PDGFRB: variants seen among roughly 807,000 people sequenced by gnomAD.
PDGFRB encodes platelet derived growth factor receptor beta.
In PDGFRB, 42 loss-of-function variants were observed where a neutral mutation model predicts 120.2. The observed-to-expected ratio is 0.35, with a 90% confidence interval of 0.27 to 0.45. The LOEUF (loss-of-function observed/expected upper bound fraction) is 0.45. Among genes scored for constraint, PDGFRB ranks in the 20% least tolerant of loss-of-function variants. The pLI is 1.00. For synonymous variants in PDGFRB, 586 were observed against 606.8 expected (o/e 0.97, Z 0.50); for missense variants, 1,149 against 1,476.3 (o/e 0.78, Z 3.63).
chr5:150,124,899 C>CCCCCCCCCCCCCCCT, intron 12 of PDGFRB, 68 bp from the exon 13 acceptor site: 1 of 683,838 alleles, frequency 1.5e-6, no homozygotes, highest in Non-Finnish European at 2.5e-6. Context: ...AGCTGCCCCC[C>CCCCCCCCCCCCCCCT]TCCCCCCACT....
intron 1 of PDGFRB, among the ~76,000 whole-genome samples, chr5:150,151,505 G>A (rs960474651): frequency 2.0e-5 from 3 of 152,160 alleles, no homozygotes; most frequent in South Asian, 2.1e-4. Flanking sequence ...TCCCAGCTCC[G>A]CCACTTCCGA....
rs1440050866 is a variant in PDGFRB at position 150,121,624 on chromosome 5, A to C, written c.2344+256T>G. On this transcript the variant is annotated intron_variant, in intron 16 of 22. Coordinates refer to ENST00000261799, the MANE Select transcript of PDGFRB (RefSeq NM_002609.4). This position sits in a 1 kb window ranked among gnomAD's most constrained non-coding sequence, Gnocchi z 4.1. Reference sequence around the variant, plus strand: ...AGCTGAGTAGATCACTTTCCCTACCACGACAAAAGGCCAGGTCCTCCCATA... The same window carrying C: ...AGCTGAGTAGATCACTTTCCCTACCCCGACAAAAGGCCAGGTCCTCCCATA... 2.6e-5 allele frequency among the ~76,000 whole-genome samples: 4 copies of C among 152,148 alleles called. No individual in the cohort carries two copies. The highest frequency in any genetic ancestry group is 9.7e-5 in the African/African-American group (4 of 41,416).
intron 1 of PDGFRB, among the ~76,000 whole-genome samples, chr5:150,148,401 A>T (rs79091428): frequency 6.6e-6 from 1 of 152,224 alleles, no homozygotes; most frequent in African/African-American, 2.4e-5. Flanking sequence ...CTGCCTCCTA[A>T]TAACACAGGA....
At chr5:150,147,358 G>A (rs778193241) in intron 1 of PDGFRB, among the ~76,000 whole-genome samples, 86 of 152,364 alleles carry the variant, frequency 5.6e-4, no homozygotes, top group Admixed American at 9.8e-4. Context: ...GTCCCAGGCT[G>A]AGACTGAGGA....
chr5:150,150,872 C>T (rs545864309), intron 1 of PDGFRB, among the ~76,000 whole-genome samples: 3 of 152,248 alleles, frequency 2.0e-5, no homozygotes, highest in East Asian at 3.9e-4. Context: ...TTTGAAAACG[C>T]AGCACTGGAA....
chr5:150,141,428 C>G (rs1387552049), intron 1 of PDGFRB, among the ~76,000 whole-genome samples: 2 of 152,224 alleles, frequency 1.3e-5, no homozygotes, highest in African/African-American at 4.8e-5. Flanking sequence ...GAGGTAGATA[C>G]AGTGATCATT....
rs1761178811 is a variant in PDGFRB, at chr5:150,154,606, G to T, written c.-7+791C>A. On this transcript the variant is annotated intron_variant, in intron 1 of 22. Transcript: ENST00000261799. ...GCCATAGGCGGATCCTGGGCAGGGA[G>T]GTGGTGTGATTGGATTTATGCTTTA... is the stretch of plus-strand genomic sequence containing the variant. 2.0e-5 allele frequency among the ~76,000 whole-genome samples: 3 copies of T among 152,238 alleles called. No individual in the cohort carries two copies. In the South Asian group the frequency reaches 6.2e-4, roughly 32 times the overall value.
At chr5:150,134,159 T>G (rs186371475) in intron 4 of PDGFRB, 151 bp from the exon 5 acceptor site, 156 of 713,210 alleles carry the variant, frequency 2.2e-4, no homozygotes, top group Non-Finnish European at 3.3e-4. Context: ...ACCTACTACA[T>G]GCCAAGTACT....
rs1344881950 is a variant in PDGFRB, at chr5:150,121,787, G to C, written c.2344+93C>G. ...TCTACATCTATGAAATGGGCACGAG[G>C]CTCCCTTCTTCTCAGGGTTTTTGGC... On this transcript the variant is annotated intron_variant, in intron 16 of 22. Transcript: ENST00000261799. The surrounding 1 kb of genome is among the most constrained non-coding windows in gnomAD (Gnocchi z 4.1). 1.0e-6 allele frequency: 1 copy of C among 980,588 alleles called. No individual in the cohort carries two copies. The highest frequency in any genetic ancestry group is 1.6e-5 in the African/African-American group (1 of 62,614). 60.7% of individuals were successfully genotyped at this position (980,588 alleles called of 1,614,324 possible). A position where few individuals can be genotyped will look rare whatever the true frequency, so the allele number is the denominator to read the frequency against.
In PDGFRB at chr5:150,115,869, G is replaced by A; in HGVS notation, c.3215C>T (p.Pro1072Leu). Reference sequence around the variant, plus strand: ...CACCTGGAGCTCAAGCTGGGGCTCTGGCTCTGGTTCGTCCTGGGGCTCCAG... The same window carrying A: ...CACCTGGAGCTCAAGCTGGGGCTCTAGCTCTGGTTCGTCCTGGGGCTCCAG... The part of the protein sequence containing the change: ...SPLEPQDEPE[P>L]EPQLELQVEP... Residue 1072 changes from proline (P) to leucine (L), a missense_variant, in exon 23 of 23, where the codon CCA becomes CTA. Physicochemically the swap from Pro to Leu is moderately conservative, Grantham distance 98. Transcript: ENST00000261799. 6.2e-7 allele frequency: 1 copy of A among 1,611,854 alleles called. No individual in the cohort carries two copies. The highest frequency in any genetic ancestry group is 1.1e-5 in the South Asian group (1 of 90,622).
At chr5:150,128,458 C>T (rs977652401) in intron 10 of PDGFRB, among the ~76,000 whole-genome samples, 4 of 152,202 alleles carry the variant, frequency 2.6e-5, no homozygotes, top group Non-Finnish European at 4.4e-5. Context: ...CCTTTGGAGC[C>T]CTGCCTGCTC....
intron 15 of PDGFRB, chr5:150,122,283 C>A (rs1760163201): frequency 4.1e-6 from 2 of 489,900 alleles, no homozygotes; most frequent in South Asian, 2.6e-5. Flanking sequence ...GATTACAGCA[C>A]CCCAGGGCAA....
intron 15 of PDGFRB, 22 bp downstream of exon 15, chr5:150,123,020 T>TC (rs1293114921): frequency 1.2e-6 from 2 of 1,606,884 alleles, no homozygotes; most frequent in African/African-American, 2.7e-5. Flanking sequence ...AAAGATTCAG[T>TC]CCCTGGCCTC....
chr5:150,133,790 A>T lies in PDGFRB; in HGVS notation c.760-30T>A, dbSNP rs374335408. The T allele has an allele frequency of 3.1e-6, 5 of 1,612,334 alleles. No individual in the cohort carries two copies. In the East Asian group the frequency reaches 1.1e-4, roughly 36 times the overall value. ...AGCAACAGGTTGGGCAGGCCCCCCA[A>T]ATCAGGAGGGGCCGGGGAGAAATCA... On this transcript the variant is annotated intron_variant, in intron 5 of 22. Transcript: ENST00000261799.
intron 1 of PDGFRB, among the ~76,000 whole-genome samples, chr5:150,151,131 GA>G (rs1308510369): frequency 2.6e-5 from 4 of 152,042 alleles, no homozygotes; most frequent in Non-Finnish European, 5.9e-5. Context: ...AAAAGGGTAA[GA>G]AAAAAACCCT....
rs961090547 is a variant in PDGFRB at position 150,114,560 on chromosome 5, C to T, written c.*1203G>A. 15 of 232,998 alleles carry T rather than the reference C, an allele frequency of 6.4e-5. No individual in the cohort carries two copies. Among genetic ancestry groups the T allele is most frequent in the Non-Finnish European group, 1.1e-4 (13 of 117,792 alleles). 14.4% of individuals were successfully genotyped at this position (232,998 alleles called of 1,614,324 possible). A position where few individuals can be genotyped will look rare whatever the true frequency, so the allele number is the denominator to read the frequency against. ...AGCTGCTGGGGGCTTTCCAGGACAC[C>T]GGCTGTCACTCTAAGTCAAGGCCTG... On this transcript the variant is annotated 3_prime_UTR_variant, in exon 23 of 23. Coordinates refer to ENST00000261799, the MANE Select transcript of PDGFRB (RefSeq NM_002609.4).
In PDGFRB at chr5:150,125,344, G is replaced by C. The variant is rs1387047553; in HGVS notation, c.1807+101C>G. The C allele has an allele frequency of 4.0e-6, 4 of 1,003,604 alleles. 1 individual carries two copies. The South Asian group carries it at 4.9e-5, about 12-fold the overall frequency. 62.2% of individuals were successfully genotyped at this position (1,003,604 alleles called of 1,614,324 possible). On this transcript the variant is annotated intron_variant, in intron 12 of 22. Coordinates refer to ENST00000261799, the MANE Select transcript of PDGFRB (RefSeq NM_002609.4). ...CAGAGAAGGCAAGACACCAGCCCTA[G>C]GTCTCATAGCTAGTCATGGCAAGGC...
At position 150,133,966 on chromosome 5, in the gene PDGFRB, A is replaced by G; in HGVS notation, c.674T>C (p.Val225Ala). ...GAGGGTGATGTTCTCACCCTGGCGG[A>G]CCACAGTCTGCACTGCGTTCACAGA... ...NVSVNAVQTV[V>A]RQGENITLMC... Residue 225 changes from valine to alanine, a missense_variant, in exon 5 of 23, where the codon GTC becomes GCC. Physicochemically the swap from Val to Ala is moderately conservative, Grantham distance 64 (BLOSUM62 0). Transcript: ENST00000261799. The G allele has an allele frequency of 3.1e-6, 5 of 1,613,838 alleles. No homozygotes were observed. Among genetic ancestry groups the G allele is most frequent in the Non-Finnish European group, 4.2e-6 (5 of 1,179,756 alleles).
intron 1 of PDGFRB, among the ~76,000 whole-genome samples, chr5:150,147,624 A>G (rs1277501930): frequency 6.6e-6 from 1 of 152,160 alleles, no homozygotes; most frequent in Non-Finnish European, 1.5e-5. Flanking sequence ...CAATTACCAA[A>G]CATTGAGATT....
Sources: allele counts gnomAD v4.1 joint callset (sites outside exome capture counted in the v4.1 genomes callset), GRCh38; gene constraint gnomAD v4.1.1; non-coding constraint Gnocchi (gnomAD v3.1); transcripts MANE v1.5; gene names NCBI Gene and HGNC (gene_info 2026-07-23, HGNC 2026-07-21).